Variants in ARMH4 observed in about 807,000 individuals in gnomAD.
ARMH4 encodes armadillo like helical domain containing 4, also known as armadillo-like helical domain-containing protein 4.
A neutral mutation model predicts 61.9 loss-of-function variants in ARMH4; 49 were observed. The ratio of observed to expected loss-of-function variants is 0.79; its 90% CI spans 0.63 to 1.00. The LOEUF is 1.00. Ranked by LOEUF, ARMH4 falls within the 50% of genes least tolerant of loss-of-function variation. The pLI, the probability that ARMH4 is intolerant of heterozygous loss-of-function variation, is 0.00. For synonymous variants in ARMH4, 368 were observed against 341.5 expected (o/e 1.08, Z -0.85); for missense variants, 934 against 930.0 (o/e 1.00, Z -0.06).
At chr14:58,049,564 A>C (rs998118363) in intron 5 of ARMH4, among the ~76,000 whole-genome samples, 4 of 152,206 alleles carry the variant, frequency 2.6e-5, no homozygotes, top group African/African-American at 9.7e-5. Context: ...AGCTTCTGCA[A>C]ACTTGCTGAA....
chr14:58,095,237 A>G (rs2141261558), intron 5 of ARMH4, among the ~76,000 whole-genome samples: 1 of 152,270 alleles, frequency 6.6e-6, no homozygotes, highest in African/African-American at 2.4e-5. Flanking sequence ...AAAGTACTAG[A>G]GCATCCGAAT....
Position 58,004,783 on chromosome 14 carries a change from G to C in ARMH4, c.2278C>G (p.Gln760Glu). The stretch of plus-strand genomic sequence containing the variant: ...TCGGCTAAGAGCATTACTCGATCTT[G>C]CATGCTGTTGAATTCTCTCTGCTAG... ...KRKQREFNSM[Q>E]DRVMLLADSS... is the part of the protein sequence containing the mutation. The change falls in exon 8 of 8, where the codon CAA becomes GAA. Residue 760 changes from glutamine (Q) to glutamate (E), a missense_variant. Transcript: ENST00000267485. 6.2e-7 allele frequency: 1 copy of C among 1,611,476 alleles called. No homozygotes were observed. The highest frequency in any genetic ancestry group is 1.3e-5 in the African/African-American group (1 of 74,948).
At position 58,096,971 on chromosome 14, in the gene ARMH4, T is replaced by A. The variant is rs1885776258; in HGVS notation, c.1842A>T (p.Glu614Asp). The stretch of plus-strand genomic sequence containing the variant: ...CTTCTTCATCCTCTTCATCCTCATC[T>A]TCTTGTCCCTCTAGGCAAAAAGAAA... ...LDQLESEEGQ[E>D]DEDEEDEEDE... Residue 614 changes from glutamate (E) to aspartate (D), a missense_variant, in exon 5 of 8, where the codon GAA (glutamate) becomes GAT (aspartate). Transcript: ENST00000267485. The A allele has an allele frequency of 6.2e-7, 1 of 1,613,622 alleles. No homozygotes were observed.
intron 5 of ARMH4, among the ~76,000 whole-genome samples, chr14:58,040,392 C>G (rs1030867440): frequency 6.6e-6 from 1 of 152,166 alleles, no homozygotes; most frequent in African/African-American, 2.4e-5. Flanking sequence ...TTAGCTCCCA[C>G]TTATAAGTGA....
chr14:58,029,040 C>T (rs185142696), intron 5 of ARMH4, among the ~76,000 whole-genome samples: 8 of 151,942 alleles, frequency 5.3e-5, no homozygotes, highest in African/African-American at 1.2e-4. Context: ...ATCAACACCC[C>T]CCCTCCAAAT....
intron 5 of ARMH4, among the ~76,000 whole-genome samples, chr14:58,073,334 C>T (rs759945351): frequency 1.3e-5 from 2 of 152,226 alleles, no homozygotes; most frequent in African/African-American, 2.4e-5. Context: ...TTATCCTCAT[C>T]ACTAAAGTCA....
intron 5 of ARMH4, among the ~76,000 whole-genome samples, chr14:58,016,730 T>C (rs1882629851): frequency 6.6e-6 from 1 of 152,208 alleles, no homozygotes; most frequent in Admixed American, 6.5e-5. Flanking sequence ...TTTGTTATCT[T>C]TCTTGAAATT....
chr14:58,081,752 C>T (rs1469974895), intron 5 of ARMH4, among the ~76,000 whole-genome samples: 3 of 151,734 alleles, frequency 2.0e-5, no homozygotes, highest in Non-Finnish European at 4.4e-5. Flanking sequence ...ATGATCCGCC[C>T]GCCTCGGTCT....
intron 5 of ARMH4, among the ~76,000 whole-genome samples, chr14:58,054,707 G>C (rs920113822): frequency 1.3e-5 from 2 of 151,910 alleles, no homozygotes; most frequent in African/African-American, 4.8e-5. Flanking sequence ...AGACCAGCCT[G>C]GCCAACATGG....
At chr14:58,116,111 G>A (rs978534347) in intron 4 of ARMH4, 1 of 152,710 alleles carries the variant, frequency 6.5e-6, no homozygotes, top group Admixed American at 6.5e-5. Context: ...AATTTATTCA[G>A]TTCTCTCCTT....
At chr14:58,147,911 T>C (rs1887789393) in intron 1 of ARMH4, among the ~76,000 whole-genome samples, 1 of 152,180 alleles carries the variant, frequency 6.6e-6, no homozygotes, top group African/African-American at 2.4e-5. Context: ...CAGCATATAA[T>C]GTCCCCAAAT....
At chr14:58,115,632 C>A (rs1421791176) in intron 4 of ARMH4, among the ~76,000 whole-genome samples, 1 of 152,144 alleles carries the variant, frequency 6.6e-6, no homozygotes, top group East Asian at 1.9e-4. Flanking sequence ...ATGTCCATAC[C>A]AGCACCATTC....
At chr14:58,150,011 C>T (rs1887870364) in intron 1 of ARMH4, among the ~76,000 whole-genome samples, 1 of 151,962 alleles carries the variant, frequency 6.6e-6, no homozygotes, top group African/African-American at 2.4e-5. Context: ...ATCATGTAGA[C>T]AATGTGACCT....
intron 6 of ARMH4, 142 bp from the exon 7 acceptor site, chr14:58,005,324 A>G: frequency 9.5e-7 from 1 of 1,051,550 alleles, no homozygotes; most frequent in Non-Finnish European, 1.3e-6. Context: ...TAAGCCTAAA[A>G]TACAGTAACT....
At chr14:58,080,366 T>A (rs969076138) in intron 5 of ARMH4, among the ~76,000 whole-genome samples, 23 of 152,208 alleles carry the variant, frequency 1.5e-4, no homozygotes, top group African/African-American at 5.3e-4. Flanking sequence ...CAACTTCAGG[T>A]GATCCACCCA....
At chr14:58,128,623 A>G (rs1886982061) in intron 4 of ARMH4, among the ~76,000 whole-genome samples, 1 of 152,238 alleles carries the variant, frequency 6.6e-6, no homozygotes, top group African/African-American at 2.4e-5. Flanking sequence ...TGAAATATGC[A>G]CAAGGTGGCA....
intron 5 of ARMH4, among the ~76,000 whole-genome samples, chr14:58,018,468 CAAA>C (rs71107905): frequency 7.0e-6 from 1 of 143,450 alleles, no homozygotes; most frequent in Non-Finnish European, 1.5e-5. Context: ...AGACATTTCT[CAAA>C]AAAAAAAAAG....
At chr14:58,072,564 C>CA (rs532344964) in intron 5 of ARMH4, among the ~76,000 whole-genome samples, 7 of 151,440 alleles carry the variant, frequency 4.6e-5, no homozygotes, top group Non-Finnish European at 1.0e-4. Context: ...ACTAACAACA[C>CA]AAAAAAAATT....
rs140013330 is a variant in ARMH4 at position 58,067,890 on chromosome 14, A to G, written c.2089+28834T>C. On this transcript the variant is annotated intron_variant, in intron 5 of 7. Coordinates refer to ENST00000267485, the MANE Select transcript of ARMH4 (RefSeq NM_001001872.4). The stretch of plus-strand genomic sequence containing the variant: ...ATAAGAAATCCCAAGAGAAGTTGAA[A>G]GTTCATGTAAGGAAAAGAAGAGAAA... Among the ~76,000 whole-genome samples, 228 of 152,316 alleles carry G rather than the reference A, an allele frequency of 1.5e-3. 1 individual carries two copies. The highest frequency in any genetic ancestry group is 5.4e-3 in the African/African-American group (225 of 41,552).
Sources: gnomAD v4.1 joint callset for allele counts (sites outside exome capture counted in the v4.1 genomes callset) on GRCh38, gnomAD v4.1.1 for gene constraint, MANE v1.5 for transcripts, NCBI Gene and HGNC (gene_info 2026-07-23, HGNC 2026-07-21) for gene names.